ZNF469: variants seen among roughly 807,000 people sequenced by gnomAD.
ZNF469 encodes zinc finger protein 469.
A neutral mutation model predicts 1.0 loss-of-function variants in ZNF469; 1 was observed. The observed-to-expected ratio is 1.00, with a 90% confidence interval of 0.35 to 4.73. ZNF469 has a LOEUF of 4.73. Among genes scored for constraint, ZNF469 ranks in the 30% most tolerant of loss-of-function variants. The probability of loss-of-function intolerance (pLI) is 0.16; values close to 1 mark genes in which losing one functional copy is unlikely to be tolerated. For synonymous variants in ZNF469, 2,703 were observed against 2,363.4 expected (o/e 1.14, Z -4.17); for missense variants, 6,100 against 5,356.3 (o/e 1.14, Z -4.33).
chr16:88,293,783 A>G, the ZNF469 span, among the ~76,000 whole-genome samples: 2 of 152,148 alleles, frequency 1.3e-5, no homozygotes, highest in Admixed American at 6.5e-5. Flanking sequence ...ACAGTGTCCA[A>G]TTAGGATGGG....
the ZNF469 span, among the ~76,000 whole-genome samples, chr16:88,195,726 C>T: frequency 3.0e-4 from 46 of 152,312 alleles, no homozygotes; most frequent in Non-Finnish European, 6.0e-4. Flanking sequence ...TCGGGGTGTC[C>T]CGAGATGCAA....
the ZNF469 span, among the ~76,000 whole-genome samples, chr16:88,372,710 C>T: frequency 1.3e-5 from 2 of 149,548 alleles, no homozygotes; most frequent in Non-Finnish European, 1.5e-5. Context: ...TCATTACCAC[C>T]GTCATCATGA....
At chr16:88,248,916 C>T in the ZNF469 span, among the ~76,000 whole-genome samples, 5 of 152,116 alleles carry the variant, frequency 3.3e-5, no homozygotes, top group Non-Finnish European at 7.4e-5. Flanking sequence ...ATGGTCTCAG[C>T]CTCAGTCTTT....
the ZNF469 span, among the ~76,000 whole-genome samples, chr16:88,222,186 T>C: frequency 6.6e-6 from 1 of 152,222 alleles, no homozygotes; most frequent in South Asian, 2.1e-4. Flanking sequence ...TGTGTGGTAA[T>C]GTTTTCTGTT....
chr16:88,214,435 T>C, the ZNF469 span, among the ~76,000 whole-genome samples: 1 of 151,758 alleles, frequency 6.6e-6, no homozygotes, highest in African/African-American at 2.4e-5. Flanking sequence ...CCCACTCTGA[T>C]TGTAGATTTG....
At chr16:88,242,151 A>C in the ZNF469 span, among the ~76,000 whole-genome samples, 1 of 152,232 alleles carries the variant, frequency 6.6e-6, no homozygotes, top group Non-Finnish European at 1.5e-5. Context: ...ACTCGAGCCC[A>C]GCGCTCTGCA....
chr16:88,238,635 T>G, the ZNF469 span, among the ~76,000 whole-genome samples: 1 of 152,174 alleles, frequency 6.6e-6, no homozygotes, highest in Non-Finnish European at 1.5e-5. Context: ...CACTTTAAAA[T>G]GTATATATCT....
At chr16:88,136,227 G>C in the ZNF469 span, among the ~76,000 whole-genome samples, 1 of 152,186 alleles carries the variant, frequency 6.6e-6, no homozygotes, top group African/African-American at 2.4e-5. Flanking sequence ...TGTGAGGATA[G>C]AGCCACCTCC....
chr16:88,309,691 C>A, the ZNF469 span, among the ~76,000 whole-genome samples: 11 of 147,674 alleles, frequency 7.4e-5, no homozygotes, highest in African/African-American at 2.8e-4. Flanking sequence ...GGACATCTGA[C>A]GGGGGGAGTG....
intron 1 of ZNF469, among the ~76,000 whole-genome samples, chr16:88,393,617 G>A (rs1007993411): frequency 6.6e-6 from 1 of 152,210 alleles, no homozygotes; most frequent in African/African-American, 2.4e-5. Flanking sequence ...GGCAGGAGGA[G>A]GGGTTCGGGT....
At chr16:88,193,081 ATGG>A in the ZNF469 span, among the ~76,000 whole-genome samples, 242 of 36,428 alleles carry the variant, frequency 6.6e-3, 7 homozygotes, top group Middle Eastern at 0.023. Flanking sequence ...GGTGGTGGTG[ATGG>A]TGGTGGTGAT....
At chr16:88,316,469 G>A in the ZNF469 span, among the ~76,000 whole-genome samples, 2 of 152,078 alleles carry the variant, frequency 1.3e-5, no homozygotes, top group South Asian at 2.1e-4. Flanking sequence ...CAGACACCCC[G>A]ACGGTGGGCC....
chr16:88,392,909 G>A (rs183107478), intron 1 of ZNF469, among the ~76,000 whole-genome samples: 3 of 152,194 alleles, frequency 2.0e-5, no homozygotes, highest in Admixed American at 6.5e-5. Context: ...TGCTGGTCCT[G>A]AGTCCCAAGT....
the ZNF469 span, among the ~76,000 whole-genome samples, chr16:88,305,545 T>TGTGTGCACACCCTCAC: frequency 1.3e-5 from 1 of 74,078 alleles, no homozygotes; most frequent in African/African-American, 5.3e-5. Context: ...CAGGCACACA[T>TGTGTGCACACCCTCAC]GTGTGCACAC....
rs1407610162 is a variant in ZNF469, at chr16:88,415,798, C to A, written c.-191-9009C>A. On this transcript the variant is annotated intron_variant, in intron 1 of 2. Transcript: ENST00000565624. ...ACCGGGACCGACGGCTTCTTCCAGGCGTGTAGCTCCCAAGCCCCGCATGAT... is the reference window on the plus strand; with the variant it reads ...ACCGGGACCGACGGCTTCTTCCAGGAGTGTAGCTCCCAAGCCCCGCATGAT... Among the ~76,000 whole-genome samples, 6 of 152,208 alleles carry A rather than the reference C, an allele frequency of 3.9e-5. No homozygotes were observed. The East Asian group carries it at 5.8e-4, about 15-fold the overall frequency.
At chr16:88,203,161 G>A in the ZNF469 span, among the ~76,000 whole-genome samples, 4 of 152,168 alleles carry the variant, frequency 2.6e-5, no homozygotes, top group Non-Finnish European at 4.4e-5. Flanking sequence ...GGTGAAGGGC[G>A]AGTCCGGAGC....
chr16:88,401,442 G>A (rs955372040), intron 1 of ZNF469, among the ~76,000 whole-genome samples: 2 of 48,850 alleles, frequency 4.1e-5, no homozygotes, highest in African/African-American at 2.1e-4. Context: ...TGGATAGAGG[G>A]AAGAATGGAT....
chr16:88,391,929 TG>T (rs1466331595), intron 1 of ZNF469, among the ~76,000 whole-genome samples: 2 of 152,200 alleles, frequency 1.3e-5, no homozygotes, highest in African/African-American at 4.8e-5. Context: ...TAAAGTATAA[TG>T]TAATCTAAAG....
the ZNF469 span, among the ~76,000 whole-genome samples, chr16:88,212,303 C>A: frequency 1.3e-5 from 2 of 152,210 alleles, no homozygotes; most frequent in Non-Finnish European, 2.9e-5. Flanking sequence ...TCTGAGAGTT[C>A]TCTTGCATTA....
Sources: gnomAD v4.1 joint callset for allele counts (sites outside exome capture counted in the v4.1 genomes callset) on GRCh38, gnomAD v4.1.1 for gene constraint, MANE v1.5 for transcripts, NCBI Gene and HGNC (gene_info 2026-07-23, HGNC 2026-07-21) for gene names.